The following GNB1L variants were observed in gnomAD, a reference collection of about 807,000 sequenced individuals.
The protein encoded by GNB1L is guanine nucleotide-binding protein subunit beta-like protein 1.
A neutral mutation model predicts 29.1 loss-of-function variants in GNB1L; 20 were observed. The ratio of observed to expected loss-of-function variants is 0.69; its 90% CI spans 0.48 to 1.00. The LOEUF is 1.00. GNB1L is among the 50% of genes least tolerant of loss of function. GNB1L has a pLI of 0.00. For synonymous variants in GNB1L, 193 were observed against 206.5 expected (o/e 0.93, Z 0.56); for missense variants, 421 against 464.9 (o/e 0.91, Z 0.87).
chr22:19,850,409 G>A (rs1346343001), intron 2 of GNB1L: 1 of 991,096 alleles, frequency 1.0e-6, no homozygotes, highest in Non-Finnish European at 1.2e-6. Context: ...AGTGAGCAGG[G>A]GATGGCAGCA....
chr22:19,792,073 C>T (rs1355468985), intron 7 of GNB1L, among the ~76,000 whole-genome samples: 1 of 152,160 alleles, frequency 6.6e-6, no homozygotes, highest in Non-Finnish European at 1.5e-5. Context: ...ATAACAGAAC[C>T]CAGAGATTCA....
chr22:19,796,498 A>C (rs1376617941), intron 7 of GNB1L, among the ~76,000 whole-genome samples: 1 of 152,262 alleles, frequency 6.6e-6, no homozygotes, highest in African/African-American at 2.4e-5. Context: ...CCTTGTTCCC[A>C]GACCACAATG....
At chr22:19,805,713 C>G (rs1392571702) in intron 6 of GNB1L, among the ~76,000 whole-genome samples, 1 of 151,972 alleles carries the variant, frequency 6.6e-6, no homozygotes, top group East Asian at 1.9e-4. Context: ...ACCCAGGAAG[C>G]GGAGCTTGCA....
intron 2 of GNB1L, chr22:19,846,381 T>C (rs1436681681): frequency 2.3e-5 from 22 of 976,990 alleles, no homozygotes; most frequent in Non-Finnish European, 2.6e-5. Flanking sequence ...AGAAACAGCA[T>C]CCCATACAGC....
chr22:19,794,265 T>C (rs1245235441), intron 7 of GNB1L, among the ~76,000 whole-genome samples: 1 of 152,104 alleles, frequency 6.6e-6, no homozygotes, highest in Non-Finnish European at 1.5e-5. Flanking sequence ...AAAGGGAAAC[T>C]AATATTGTAA....
chr22:19,828,350 T>C (rs1422685721), intron 2 of GNB1L, among the ~76,000 whole-genome samples: 1 of 152,148 alleles, frequency 6.6e-6, no homozygotes, highest in African/African-American at 2.4e-5. Context: ...TTCATTGCAG[T>C]TTACAAAATA....
intron 2 of GNB1L, chr22:19,851,185 T>C (rs1938085437): frequency 1.3e-6 from 2 of 1,590,286 alleles, no homozygotes; most frequent in Admixed American, 1.8e-5. Flanking sequence ...CAGGAGAAAG[T>C]GGTGGCTCTC....
chr22:19,813,231 A>G (rs1937513381), intron 4 of GNB1L, among the ~76,000 whole-genome samples: 2 of 152,218 alleles, frequency 1.3e-5, no homozygotes, highest in Admixed American at 6.5e-5. Context: ...GAGAACACCT[A>G]GAAGCAATGA....
intron 2 of GNB1L, among the ~76,000 whole-genome samples, chr22:19,834,850 T>C (rs1240801694): frequency 6.6e-6 from 1 of 152,014 alleles, no homozygotes; most frequent in African/African-American, 2.4e-5. Flanking sequence ...AATATAACCA[T>C]ACCAATCACT....
At chr22:19,811,830 C>T (rs1937504218) in intron 5 of GNB1L, among the ~76,000 whole-genome samples, 1 of 152,104 alleles carries the variant, frequency 6.6e-6, no homozygotes, top group Non-Finnish European at 1.5e-5. Flanking sequence ...CAGCCCTCCC[C>T]AGGCCTCCAA....
chr22:19,816,426 C>T lies in GNB1L; in HGVS notation c.255-3979G>A, dbSNP rs1029721820. ...CAGAATCCTCTGACGTGGCCATCTG[C>T]GAGATGTCCAGACCTAGAATCTGCC... On this transcript the variant is annotated intron_variant, in intron 4 of 7. Coordinates refer to ENST00000329517, the MANE Select transcript of GNB1L (RefSeq NM_053004.3). This position sits in a 1 kb window ranked among gnomAD's most constrained non-coding sequence, Gnocchi z 4.4. 4.6e-5 allele frequency among the ~76,000 whole-genome samples: 7 copies of T among 152,290 alleles called. No homozygotes were observed. The highest frequency in any genetic ancestry group is 3.4e-3 in the Middle Eastern group (1 of 294).
intron 7 of GNB1L, among the ~76,000 whole-genome samples, chr22:19,791,326 A>G (rs1468958868): frequency 6.6e-6 from 1 of 152,256 alleles, no homozygotes; most frequent in African/African-American, 2.4e-5. Flanking sequence ...TCTATAATTG[A>G]GAAACTGGTA....
At chr22:19,789,838 A>C (rs1288907505) in intron 7 of GNB1L, among the ~76,000 whole-genome samples, 5 of 56,042 alleles carry the variant, frequency 8.9e-5, no homozygotes, top group Admixed American at 4.5e-4. Context: ...CCCTGTCTCA[A>C]AAAAAAAAAA....
At chr22:19,819,193 TC>T (rs1360085427) in intron 4 of GNB1L, among the ~76,000 whole-genome samples, 2 of 152,152 alleles carry the variant, frequency 1.3e-5, no homozygotes, top group African/African-American at 4.8e-5. Flanking sequence ...ACGTGGGGTC[TC>T]CCCCACCAGG....
intron 2 of GNB1L, among the ~76,000 whole-genome samples, chr22:19,853,718 TG>T (rs35729509): frequency 0.017 from 2,362 of 142,816 alleles, 52 homozygotes; most frequent in African/African-American, 0.053. Flanking sequence ...GACCCCCCTC[TG>T]GGGGGGGGGT....
At chr22:19,825,040 G>A (rs764067544) in intron 2 of GNB1L, among the ~76,000 whole-genome samples, 2 of 152,220 alleles carry the variant, frequency 1.3e-5, no homozygotes, top group African/African-American at 2.4e-5. Context: ...ACCACCCAGA[G>A]AGGCCACTGG....
chr22:19,848,762 G>A, intron 2 of GNB1L: 2 of 985,480 alleles, frequency 2.0e-6, no homozygotes, highest in South Asian at 4.7e-5. Context: ...GGTCCCAAGG[G>A]CACAAAAGCC....
At chr22:19,817,674 T>C (rs555407023) in intron 4 of GNB1L, among the ~76,000 whole-genome samples, 2 of 152,108 alleles carry the variant, frequency 1.3e-5, no homozygotes, top group East Asian at 3.9e-4. Flanking sequence ...TTCATAAATA[T>C]AGCAAAAATG....
chr22:19,851,360 G>A (rs113321225), intron 2 of GNB1L: 18 of 1,614,184 alleles, frequency 1.1e-5, no homozygotes, highest in African/African-American at 1.1e-4. Context: ...CGACAGTCTA[G>A]GGACAGGTGT....
Sources: allele counts gnomAD v4.1 joint callset (sites outside exome capture counted in the v4.1 genomes callset), GRCh38; gene constraint gnomAD v4.1.1; non-coding constraint Gnocchi (gnomAD v3.1); transcripts MANE v1.5; gene names NCBI Gene and HGNC (gene_info 2026-07-23, HGNC 2026-07-21).